Variants in PLSCR2 observed in about 807,000 individuals in gnomAD.
PLSCR2 encodes the protein phospholipid scramblase 2.
A neutral mutation model predicts 25.3 loss-of-function variants in PLSCR2; 18 were observed. That is an observed-to-expected ratio of 0.71 (90% CI 0.49 to 1.06). PLSCR2 has a LOEUF of 1.06. Ranked by LOEUF, PLSCR2 falls within the 50% of genes least tolerant of loss-of-function variation. The probability of loss-of-function intolerance (pLI) is 0.00; values close to 1 mark genes in which losing one functional copy is unlikely to be tolerated. For missense variants in PLSCR2, 243 were observed against 269.5 expected, an observed-to-expected ratio of 0.90 and a Z score of 0.69; for synonymous variants, 88 against 87.3, an observed-to-expected ratio of 1.01 and a Z score of -0.04.
chr3:146,482,016 C>A (rs1016035626), intron 1 of PLSCR2, among the ~76,000 whole-genome samples: 1 of 152,128 alleles, frequency 6.6e-6, no homozygotes, highest in Non-Finnish European at 1.5e-5. Context: ...GGAAAACTGG[C>A]TAGCCATATG....
At chr3:146,491,910 T>C (rs1576757096) in intron 1 of PLSCR2, among the ~76,000 whole-genome samples, 2 of 152,288 alleles carry the variant, frequency 1.3e-5, no homozygotes, top group South Asian at 4.1e-4. Flanking sequence ...ACACTCTGGC[T>C]TTAAGAGTTT....
intron 3 of PLSCR2, among the ~76,000 whole-genome samples, chr3:146,393,875 A>G (rs2038183016): frequency 6.6e-6 from 1 of 151,546 alleles, no homozygotes; most frequent in Admixed American, 6.6e-5. Flanking sequence ...TTCAAATTTT[A>G]AATAACTTTA....
upstream of PLSCR2, chr3:146,463,930 T>G: frequency 1.0e-6 from 1 of 977,610 alleles, no homozygotes. Context: ...TATAGTCACC[T>G]CTTAGTTACA....
At chr3:146,494,403 TTAC>T (rs2043672434) in intron 1 of PLSCR2, among the ~76,000 whole-genome samples, 1 of 152,174 alleles carries the variant, frequency 6.6e-6, no homozygotes, top group Non-Finnish European at 1.5e-5. Flanking sequence ...ATTAAGTATA[TTAC>T]TGTTTTTCAT....
downstream of PLSCR2, among the ~76,000 whole-genome samples, chr3:146,432,514 T>C (rs189142293): frequency 6.6e-6 from 1 of 152,284 alleles, no homozygotes; most frequent in East Asian, 1.9e-4. Flanking sequence ...GGAATGAGCC[T>C]AAGACACCAT....
At chr3:146,407,310 T>C (rs796197203) in intron 2 of PLSCR2, among the ~76,000 whole-genome samples, 1 of 152,180 alleles carries the variant, frequency 6.6e-6, no homozygotes, top group African/African-American at 2.4e-5. Context: ...CGAGGGATGA[T>C]TTCATTGAGT....
At chr3:146,400,350 CA>C (rs970672435) in intron 2 of PLSCR2, among the ~76,000 whole-genome samples, 13 of 151,016 alleles carry the variant, frequency 8.6e-5, no homozygotes, top group African/African-American at 2.9e-4. Flanking sequence ...ATACAAGCAA[CA>C]AAAAAGTAAA....
rs898425167 is a variant in PLSCR2, at chr3:146,480,806, C to T, written c.-293+15089G>A. Reference sequence around the variant, plus strand: ...AAAAGAAAATTTTAGACCAAAATCCCTGATGATCATTGATGTGAAAATCCT... The same window carrying T: ...AAAAGAAAATTTTAGACCAAAATCCTTGATGATCATTGATGTGAAAATCCT... On this transcript the variant is annotated intron_variant, in intron 1 of 8. Transcript: ENST00000336685. 4.7e-4 allele frequency among the ~76,000 whole-genome samples: 71 copies of T among 152,242 alleles called. 1 individual carries two copies. The highest frequency in any genetic ancestry group is 1.6e-3 in the African/African-American group (67 of 41,528).
intron 1 of PLSCR2, among the ~76,000 whole-genome samples, chr3:146,482,340 G>A (rs939997429): frequency 6.6e-6 from 1 of 151,716 alleles, no homozygotes; most frequent in Admixed American, 6.6e-5. Context: ...ACAAAGGGCT[G>A]ATATCCAGAA....
intron 1 of PLSCR2, among the ~76,000 whole-genome samples, chr3:146,479,991 G>C (rs564578383): frequency 6.6e-6 from 1 of 152,134 alleles, no homozygotes. Flanking sequence ...TGACTACTGG[G>C]TAAATAACAA....
At chr3:146,425,142 G>A (rs543957551) in intron 2 of PLSCR2, among the ~76,000 whole-genome samples, 30 of 152,084 alleles carry the variant, frequency 2.0e-4, no homozygotes, top group East Asian at 5.8e-4. Flanking sequence ...TAGAAAAGAC[G>A]TTAAATATGT....
intron 2 of PLSCR2, among the ~76,000 whole-genome samples, chr3:146,408,750 C>T (rs927593069): frequency 6.6e-5 from 10 of 152,166 alleles, no homozygotes; most frequent in Non-Finnish European, 1.2e-4. Flanking sequence ...CTCCTGGTGA[C>T]TCATCGGGCC....
intron 6 of PLSCR2, among the ~76,000 whole-genome samples, 183 bp from the exon 7 acceptor site, chr3:146,442,004 T>A (rs1244006653): frequency 2.6e-5 from 4 of 152,104 alleles, no homozygotes; most frequent in Non-Finnish European, 5.9e-5. Flanking sequence ...TCTATTTTAA[T>A]AGAAATTAAA....
downstream of PLSCR2, among the ~76,000 whole-genome samples, chr3:146,431,089 C>A (rs1488049345): frequency 1.3e-5 from 2 of 152,146 alleles, no homozygotes; most frequent in Non-Finnish European, 2.9e-5. Flanking sequence ...TGCCTTCCCC[C>A]TCAGGCCAAG....
At chr3:146,419,015 T>A (rs1310522891) in intron 2 of PLSCR2, among the ~76,000 whole-genome samples, 1 of 152,162 alleles carries the variant, frequency 6.6e-6, no homozygotes, top group African/African-American at 2.4e-5. Flanking sequence ...TTGAATGTGC[T>A]CATTTTAGTG....
intron 1 of PLSCR2, among the ~76,000 whole-genome samples, chr3:146,495,554 T>C (rs2043716048): frequency 6.6e-6 from 1 of 151,990 alleles, no homozygotes; most frequent in Admixed American, 6.6e-5. Context: ...CTTATAGAAA[T>C]AGACCCCAGA....
chr3:146,414,246 C>T lies in PLSCR2; in HGVS notation c.101-18325G>A, dbSNP rs375209135. On this transcript the variant is annotated intron_variant and NMD_transcript_variant, in intron 2 of 3. Coordinates refer to the PLSCR2 transcript ENST00000463633. ...TAAAGGTCCAACCTGTCAACACCAT[C>T]GCACTGATGATTAAGTTTCCAGCAC... 1.8e-4 allele frequency among the ~76,000 whole-genome samples: 28 copies of T among 152,334 alleles called. 1 individual carries two copies. In the South Asian group the frequency reaches 3.1e-3, roughly 17 times the overall value.
At chr3:146,453,344 GTTA>G (rs2041009762) in intron 5 of PLSCR2, among the ~76,000 whole-genome samples, 1 of 151,962 alleles carries the variant, frequency 6.6e-6, no homozygotes, top group African/African-American at 2.4e-5. Context: ...TCAAGATTAA[GTTA>G]TAAAACCTTC....
intron 1 of PLSCR2, among the ~76,000 whole-genome samples, chr3:146,483,776 T>G (rs1369177183): frequency 6.6e-6 from 1 of 151,098 alleles, no homozygotes. Flanking sequence ...CAAAACCCCA[T>G]CTAAAGGTCA....
Sources: gnomAD v4.1 joint callset for allele counts (sites outside exome capture counted in the v4.1 genomes callset) on GRCh38, gnomAD v4.1.1 for gene constraint, MANE v1.5 for transcripts, NCBI Gene and HGNC (gene_info 2026-07-23, HGNC 2026-07-21) for gene names.